Variants in COL25A1 observed in about 807,000 individuals in gnomAD.
The protein encoded by COL25A1 is collagen alpha-1(XXV) chain.
A neutral mutation model predicts 128.4 loss-of-function variants in COL25A1; 103 were observed. The observed-to-expected ratio is 0.80, with a 90% CI of 0.68 to 0.94. The LOEUF (loss-of-function observed/expected upper bound fraction) is 0.94, where lower values mean the gene tolerates loss of function less well. COL25A1 is among the 40% of genes least tolerant of loss of function. COL25A1 has a pLI of 0.00. For missense variants in COL25A1, 745 were observed against 840.0 expected, an observed-to-expected ratio of 0.89 and a Z score of 1.40; for synonymous variants, 279 against 277.2, an observed-to-expected ratio of 1.01 and a Z score of -0.06.
chr4:109,117,678 T>C (rs912588135), intron 3 of COL25A1, among the ~76,000 whole-genome samples: 2 of 151,992 alleles, frequency 1.3e-5, no homozygotes, highest in East Asian at 1.9e-4. Flanking sequence ...TATTCAGTTA[T>C]GTGTGCTCAT....
chr4:109,149,908 T>C (rs1054367757), intron 3 of COL25A1, among the ~76,000 whole-genome samples: 1 of 151,988 alleles, frequency 6.6e-6, no homozygotes, highest in African/African-American at 2.4e-5. Flanking sequence ...TTTTCTGGAT[T>C]GGTAGTTTTT....
intron 3 of COL25A1, among the ~76,000 whole-genome samples, chr4:109,291,331 T>C (rs1724458266): frequency 6.6e-6 from 1 of 152,150 alleles, no homozygotes. Flanking sequence ...TAAAATCCTG[T>C]TAATTCCTAG....
intron 32 of COL25A1, 25 bp from the exon 33 acceptor site, chr4:108,827,213 A>G: frequency 6.2e-7 from 1 of 1,600,734 alleles, no homozygotes; most frequent in Non-Finnish European, 8.6e-7. Flanking sequence ...AGAAAGTTCA[A>G]ATCATACACA....
At chr4:109,298,121 C>T (rs1725168216) in intron 3 of COL25A1, among the ~76,000 whole-genome samples, 1 of 151,920 alleles carries the variant, frequency 6.6e-6, no homozygotes, top group Admixed American at 6.6e-5. Context: ...GTTTCCTCAT[C>T]TGTAAAATGA....
intron 13 of COL25A1, among the ~76,000 whole-genome samples, chr4:108,905,865 G>C (rs1180413653): frequency 6.6e-6 from 1 of 151,342 alleles, no homozygotes; most frequent in African/African-American, 2.4e-5. Flanking sequence ...GGGGGTGCGG[G>C]GGGAGGCGTG....
chr4:108,911,880 T>C (rs1175680869), intron 13 of COL25A1, among the ~76,000 whole-genome samples: 1 of 145,842 alleles, frequency 6.9e-6, no homozygotes, highest in Non-Finnish European at 1.5e-5. Context: ...GCAATCCCAA[T>C]CGTTCAACTG....
intron 13 of COL25A1, among the ~76,000 whole-genome samples, chr4:108,915,432 C>G (rs1344889750): frequency 6.6e-5 from 10 of 152,184 alleles, no homozygotes; most frequent in Non-Finnish European, 1.3e-4. Context: ...AGCTCCTGAG[C>G]TTAGGCAATC....
At chr4:108,896,838 G>A in intron 15 of COL25A1, 127 bp from the exon 16 acceptor site, 2 of 787,202 alleles carry the variant, frequency 2.5e-6, no homozygotes, top group Non-Finnish European at 4.3e-6. Flanking sequence ...GCTCTATAGA[G>A]CTAATGTATT....
At chr4:108,845,302 A>G (rs1366734314) in intron 28 of COL25A1, 51 bp from the exon 29 acceptor site, 5 of 1,445,432 alleles carry the variant, frequency 3.5e-6, no homozygotes, top group East Asian at 2.3e-5. Context: ...TTTCCAGTGT[A>G]AGAGACAACT....
At chr4:108,967,214 T>C (rs550599447) in intron 8 of COL25A1, among the ~76,000 whole-genome samples, 4 of 152,342 alleles carry the variant, frequency 2.6e-5, no homozygotes, top group Non-Finnish European at 4.4e-5. Context: ...TGTGACATCA[T>C]AGAGTGATTG....
chr4:109,286,841 C>A (rs903405492), intron 3 of COL25A1, among the ~76,000 whole-genome samples: 6 of 152,154 alleles, frequency 3.9e-5, no homozygotes, highest in Admixed American at 6.5e-5. Context: ...CTAACCAAGA[C>A]CCAGAGATTC....
chr4:108,820,760 G>T (rs1054138765), intron 35 of COL25A1, among the ~76,000 whole-genome samples: 1 of 151,958 alleles, frequency 6.6e-6, no homozygotes, highest in African/African-American at 2.4e-5. Flanking sequence ...AAAGCAGCTT[G>T]GACTCAGTAA....
intron 3 of COL25A1, among the ~76,000 whole-genome samples, chr4:109,264,244 G>A (rs1327237491): frequency 6.6e-6 from 1 of 152,206 alleles, no homozygotes; most frequent in Non-Finnish European, 1.5e-5. Flanking sequence ...GCGACCAGGA[G>A]AGGGAAGGGT....
intron 3 of COL25A1, among the ~76,000 whole-genome samples, chr4:109,211,274 C>CTATATATATATA (rs1247369007): frequency 3.8e-3 from 61 of 15,946 alleles, no homozygotes; most frequent in Middle Eastern, 0.056. Context: ...ATATATGAAA[C>CTATATATATATA]TATATATATA....
intron 3 of COL25A1, among the ~76,000 whole-genome samples, chr4:109,254,505 A>ATATATATATATATATGTGTGTG (rs1383703429): frequency 1.9e-5 from 2 of 104,994 alleles, no homozygotes; most frequent in African/African-American, 6.9e-5. Context: ...ATATATATAT[A>ATATATATATATATATGTGTGTG]TGTATGTGTG....
At chr4:109,173,934 G>A (rs997098329) in intron 3 of COL25A1, among the ~76,000 whole-genome samples, 4 of 151,920 alleles carry the variant, frequency 2.6e-5, no homozygotes, top group Non-Finnish European at 2.9e-5. Flanking sequence ...TATTTCCTTT[G>A]AGCATCATCA....
chr4:109,098,232 C>T (rs181645522), intron 3 of COL25A1, among the ~76,000 whole-genome samples: 5 of 152,152 alleles, frequency 3.3e-5, no homozygotes, highest in East Asian at 1.9e-4. Flanking sequence ...TAAGCTGATA[C>T]GCAGTTTCTA....
At chr4:108,985,990 T>C (rs1297170500) in intron 6 of COL25A1, among the ~76,000 whole-genome samples, 1 of 152,214 alleles carries the variant, frequency 6.6e-6, no homozygotes, top group Non-Finnish European at 1.5e-5. Context: ...CTATTTTTGT[T>C]AAACACAGTA....
chr4:109,000,775 A>T (rs1272568606), intron 6 of COL25A1, among the ~76,000 whole-genome samples: 1 of 140,956 alleles, frequency 7.1e-6, no homozygotes, highest in African/African-American at 2.6e-5. Context: ...AAAAGAAAAA[A>T]CTATACACAT....
Sources: allele counts gnomAD v4.1 joint callset (sites outside exome capture counted in the v4.1 genomes callset), GRCh38; gene constraint gnomAD v4.1.1; transcripts MANE v1.5; gene names NCBI Gene and HGNC (gene_info 2026-07-23, HGNC 2026-07-21).